The following GNAQ variants were observed in gnomAD, a reference collection of about 807,000 sequenced individuals.
GNAQ encodes G protein subunit alpha q.
GNAQ carries 8 observed loss-of-function variants against 43.9 expected under a neutral mutation model. The observed-to-expected ratio is 0.18, with a 90% CI of 0.11 to 0.33. GNAQ has a LOEUF of 0.33. GNAQ is among the 10% of genes least tolerant of loss of function. The probability of loss-of-function intolerance (pLI) is 1.00; values close to 1 mark genes in which losing one functional copy is unlikely to be tolerated. For missense variants in GNAQ, 158 were observed against 450.8 expected, an observed-to-expected ratio of 0.35 and a Z score of 5.88; for synonymous variants, 155 against 170.7, an observed-to-expected ratio of 0.91 and a Z score of 0.71.
intron 6 of GNAQ, among the ~76,000 whole-genome samples, chr9:77,728,099 A>G (rs1825427757): frequency 6.6e-6 from 1 of 151,916 alleles, no homozygotes; most frequent in Non-Finnish European, 1.5e-5. Flanking sequence ...GGTTCAAGCA[A>G]TTCTCCTGCC....
intron 1 of GNAQ, among the ~76,000 whole-genome samples, chr9:77,970,433 T>C (rs931281364): frequency 2.3e-4 from 35 of 152,256 alleles, no homozygotes; most frequent in Admixed American, 3.9e-4. Flanking sequence ...GAGGCACCTA[T>C]GGCTTTTCAA....
chr9:77,774,282 T>C (rs1826272744), intron 5 of GNAQ, among the ~76,000 whole-genome samples: 1 of 152,214 alleles, frequency 6.6e-6, no homozygotes, highest in Non-Finnish European at 1.5e-5. Context: ...GTATCAGTTT[T>C]GAAGATATTT....
At chr9:77,943,783 C>T (rs1190592853) in intron 1 of GNAQ, among the ~76,000 whole-genome samples, 1 of 151,596 alleles carries the variant, frequency 6.6e-6, no homozygotes, top group Non-Finnish European at 1.5e-5. Context: ...CCTGCCTCAG[C>T]CTCCCAAGAG....
intron 5 of GNAQ, among the ~76,000 whole-genome samples, chr9:77,740,600 G>A (rs544651512): frequency 2.6e-5 from 4 of 152,076 alleles, no homozygotes; most frequent in East Asian, 3.9e-4. Context: ...TGAGCTTAGC[G>A]CATTATATTT....
intron 2 of GNAQ, among the ~76,000 whole-genome samples, chr9:77,835,290 T>TCTA (rs2118562836): frequency 1.3e-5 from 2 of 150,832 alleles, no homozygotes; most frequent in East Asian, 3.9e-4. Context: ...AGATAAGGGA[T>TCTA]CTACTGTTCG....
At chr9:77,782,552 A>G (rs1326030847) in intron 5 of GNAQ, among the ~76,000 whole-genome samples, 1 of 152,220 alleles carries the variant, frequency 6.6e-6, no homozygotes, top group African/African-American at 2.4e-5. Context: ...GGTGGGAATG[A>G]AAACTGGTAC....
rs373150158 is a variant in GNAQ, at chr9:78,016,056, C to T, written c.136+15044G>A. 1.4e-4 allele frequency among the ~76,000 whole-genome samples: 22 copies of T among 152,008 alleles called. No homozygotes were observed. The South Asian group carries it at 3.5e-3, about 24-fold the overall frequency. ...GTGCTGGGACAACTGGATATTCACA[C>T]GCAAAGGATTATGTTGAAACCCCAC... is the stretch of plus-strand genomic sequence containing the variant. On this transcript the variant is annotated intron_variant, in intron 1 of 6. Transcript: ENST00000286548.
At chr9:77,828,700 T>C (rs779937015) in intron 2 of GNAQ, among the ~76,000 whole-genome samples, 2 of 152,234 alleles carry the variant, frequency 1.3e-5, no homozygotes, top group Non-Finnish European at 2.9e-5. Context: ...CCTTCTTATA[T>C]ATTTGTCCTG....
chr9:77,724,564 T>C (rs566660792), intron 6 of GNAQ, among the ~76,000 whole-genome samples: 38 of 152,318 alleles, frequency 2.5e-4, no homozygotes, highest in African/African-American at 7.9e-4. Flanking sequence ...CAGAACTCTA[T>C]TGAGGGCTTG....
chr9:77,732,713 A>T (rs1033587769), intron 5 of GNAQ, among the ~76,000 whole-genome samples: 5 of 152,190 alleles, frequency 3.3e-5, no homozygotes, highest in African/African-American at 1.2e-4. Flanking sequence ...CTCCTTGTTA[A>T]CAGGTTGGGC....
At chr9:77,963,194 T>C (rs976976171) in intron 1 of GNAQ, among the ~76,000 whole-genome samples, 3 of 152,200 alleles carry the variant, frequency 2.0e-5, no homozygotes, top group Non-Finnish European at 4.4e-5. Flanking sequence ...TATAAGTGGA[T>C]AGCTCATTTT....
Position 77,820,458 on chromosome 9 carries a change from T to C in GNAQ, c.322-4688A>G, listed in dbSNP as rs1441861516. 2.6e-5 allele frequency among the ~76,000 whole-genome samples: 4 copies of C among 152,224 alleles called. No individual in the cohort carries two copies. In the South Asian group the frequency reaches 8.3e-4, roughly 32 times the overall value. ...AAAGAACAGCAAAGTCATACTGAAC[T>C]GCTGCTGGCTGGGTTCTCATTGTGA... On this transcript the variant is annotated intron_variant, in intron 2 of 6. Transcript: ENST00000286548.
rs1387436759 is a variant in GNAQ at position 77,762,459 on chromosome 9, A to G, written c.735+32004T>C. Among the ~76,000 whole-genome samples the G allele has an allele frequency of 9.5e-3, 984 of 103,308 alleles. 55 individuals are homozygous for G. Among genetic ancestry groups the G allele is most frequent in the African/African-American group, 0.036 (822 of 23,010 alleles). The allele number at this position is 103,308 out of a possible 152,430, so 67.8% of individuals were successfully genotyped here. A position where few individuals can be genotyped will look rare whatever the true frequency, so the allele number is the denominator to read the frequency against. The stretch of plus-strand genomic sequence containing the variant: ...AGCCCCCCGCCTGGCCAGCCGCCCC[A>G]TCCGGGAGGGAGGTGGGGGGGTCAG... On this transcript the variant is annotated intron_variant, in intron 5 of 6. Coordinates refer to ENST00000286548, the MANE Select transcript of GNAQ (RefSeq NM_002072.5).
chr9:77,784,168 A>G (rs562600908), intron 5 of GNAQ, among the ~76,000 whole-genome samples: 1 of 152,120 alleles, frequency 6.6e-6, no homozygotes, highest in East Asian at 1.9e-4. Flanking sequence ...CCTGCCAGAG[A>G]TCCATTTTGG....
chr9:77,807,713 T>C (rs913095067), intron 3 of GNAQ, among the ~76,000 whole-genome samples: 3 of 152,200 alleles, frequency 2.0e-5, no homozygotes, highest in Non-Finnish European at 2.9e-5. Context: ...AGTCTTAAAC[T>C]AGGTTTTATC....
At chr9:77,902,266 CTTG>C (rs764046033) in intron 2 of GNAQ, among the ~76,000 whole-genome samples, 3 of 152,182 alleles carry the variant, frequency 2.0e-5, no homozygotes, top group Non-Finnish European at 4.4e-5. Flanking sequence ...TTGCTTTTCA[CTTG>C]TTATCATAAT....
intron 1 of GNAQ, among the ~76,000 whole-genome samples, chr9:77,966,577 C>T (rs993854611): frequency 3.9e-5 from 6 of 152,050 alleles, no homozygotes; most frequent in African/African-American, 7.2e-5. Flanking sequence ...ACAGCAGAGA[C>T]ACAAAATCTT....
intron 1 of GNAQ, among the ~76,000 whole-genome samples, chr9:78,005,017 A>G (rs1190073597): frequency 2.6e-5 from 4 of 152,108 alleles, no homozygotes; most frequent in Admixed American, 2.0e-4. Flanking sequence ...CAATGAATGC[A>G]ATGTAATTAA....
intron 1 of GNAQ, among the ~76,000 whole-genome samples, chr9:77,922,926 A>C (rs1380571044): frequency 2.0e-5 from 3 of 152,118 alleles, no homozygotes; most frequent in Non-Finnish European, 4.4e-5. Context: ...AACTCCTGAG[A>C]TAAAGAAATC....
Sources: allele counts gnomAD v4.1 joint callset (sites outside exome capture counted in the v4.1 genomes callset), GRCh38; gene constraint gnomAD v4.1.1; transcripts MANE v1.5; gene names NCBI Gene and HGNC (gene_info 2026-07-23, HGNC 2026-07-21).